GYPE: variants seen among roughly 807,000 people sequenced by gnomAD.
The protein encoded by GYPE is glycophorin E (MNS blood group), also known as glycophorin-E.
Under a neutral mutation model 11.6 loss-of-function variants are expected in GYPE, and 8 were observed. The ratio of observed to expected loss-of-function variants is 0.69; its 90% CI spans 0.41 to 1.25. GYPE has a LOEUF of 1.25. GYPE is among the 50% of genes most tolerant of loss of function. The pLI is 0.01. For synonymous variants in GYPE, 28 were observed against 29.6 expected, an observed-to-expected ratio of 0.94 and a Z score of 0.18; for missense variants, 90 against 92.8, an observed-to-expected ratio of 0.97 and a Z score of 0.12.
intron 1 of GYPE, among the ~76,000 whole-genome samples, chr4:143,892,882 A>G (rs375342067): frequency 4.2e-4 from 60 of 141,690 alleles, no homozygotes; most frequent in East Asian, 2.5e-3. Context: ...TTTCTGTCTC[A>G]TTGATCTGTC....
intron 3 of GYPE, among the ~76,000 whole-genome samples, chr4:143,874,282 C>T (rs988682192): frequency 6.6e-6 from 1 of 152,078 alleles, no homozygotes; most frequent in Non-Finnish European, 1.5e-5. Context: ...CATATCCTGG[C>T]ATCTCCCCCA....
intron 1 of GYPE, among the ~76,000 whole-genome samples, chr4:143,891,438 C>T (rs1315971290): frequency 6.6e-6 from 1 of 150,504 alleles, no homozygotes; most frequent in African/African-American, 2.4e-5. Flanking sequence ...ACTCCATTCT[C>T]CTGCCTCAGC....
At chr4:143,892,349 T>G (rs1744442030) in intron 1 of GYPE, among the ~76,000 whole-genome samples, 1 of 151,230 alleles carries the variant, frequency 6.6e-6, no homozygotes, top group African/African-American at 2.4e-5. Context: ...TGCCTTCTGC[T>G]AGCTTTTGAA....
intron 1 of GYPE, among the ~76,000 whole-genome samples, chr4:143,892,750 T>C (rs1397184911): frequency 6.7e-6 from 1 of 148,296 alleles, no homozygotes; most frequent in Non-Finnish European, 1.5e-5. Flanking sequence ...AGTTTTGGAA[T>C]AGGTGTGGTG....
chr4:143,897,117 C>G (rs142218707), intron 1 of GYPE, among the ~76,000 whole-genome samples: 4 of 151,826 alleles, frequency 2.6e-5, no homozygotes, highest in Non-Finnish European at 5.9e-5. Context: ...TGTAACTAAC[C>G]GGCACATTGT....
At chr4:143,897,751 C>T (rs1000349496) in intron 1 of GYPE, among the ~76,000 whole-genome samples, 2 of 152,038 alleles carry the variant, frequency 1.3e-5, no homozygotes, top group Non-Finnish European at 2.9e-5. Flanking sequence ...ACCAGTGGCT[C>T]ATGCACACCT....
At chr4:143,883,221 C>G (rs1264428873) in intron 1 of GYPE, among the ~76,000 whole-genome samples, 2 of 152,046 alleles carry the variant, frequency 1.3e-5, no homozygotes, top group Non-Finnish European at 2.9e-5. Context: ...TCTCCCGACT[C>G]TCTCTCTTGC....
chr4:143,876,863 A>C lies in GYPE; in HGVS notation c.137-8T>G. 2.6e-6 allele frequency: 4 copies of C among 1,540,180 alleles called. No individual in the cohort carries two copies. Among genetic ancestry groups the C allele is most frequent in the Non-Finnish European group, 3.6e-6 (4 of 1,113,710 alleles). ...AATTAATGAGTGTTATCCCTACAGG[A>C]GATAAAGAGAGCGGCAAAATTATGA... On this transcript the variant is annotated splice_polypyrimidine_tract_variant and splice_region_variant and intron_variant, in intron 2 of 3. Coordinates refer to ENST00000358615, the MANE Select transcript of GYPE (RefSeq NM_198682.3).
chr4:143,892,878 T>A (rs956160576), intron 1 of GYPE, among the ~76,000 whole-genome samples: 1 of 150,772 alleles, frequency 6.6e-6, no homozygotes, highest in African/African-American at 2.4e-5. Flanking sequence ...TAACTTTCTG[T>A]CTCATTGATC....
In GYPE at chr4:143,871,077, AG is replaced by A. The variant is rs35999957; in HGVS notation, c.*1184del. The A allele has an allele frequency of 2.0e-5, 3 of 148,950 alleles. No homozygotes were observed. In the South Asian group the frequency reaches 6.2e-4, roughly 31 times the overall value. 9.2% of individuals were successfully genotyped at this position (148,950 alleles called of 1,614,324 possible). On this transcript the variant is annotated 3_prime_UTR_variant, in exon 4 of 4. Transcript: ENST00000358615. ...TTACTCACTATCATGAGAATAGCAC[AG>A]GGGAAACCACCGCAATGATTCAAGT...
Position 143,898,463 on chromosome 4 carries a change from C to G in GYPE, c.37+7008G>C, listed in dbSNP as rs1280707297. Among the ~76,000 whole-genome samples, 6 of 152,132 alleles carry G rather than the reference C, an allele frequency of 3.9e-5. No homozygotes were observed. In the East Asian group the frequency reaches 1.2e-3, roughly 29 times the overall value. On this transcript the variant is annotated intron_variant, in intron 1 of 3. Transcript: ENST00000358615. ...AGTAGAATTAAGAGCAAAGACATTA[C>G]AAACAGTGAAAAAGATTTACTTGTG...
At chr4:143,875,532 T>A in intron 3 of GYPE, 3 of 1,550,906 alleles carry the variant, frequency 1.9e-6, no homozygotes, top group Non-Finnish European at 2.6e-6. Flanking sequence ...GACAGAAGTT[T>A]CCACTTCAGC....
rs1461082821 is a variant in GYPE, at chr4:143,871,979, C to T, written c.*283G>A. The stretch of plus-strand genomic sequence containing the variant: ...GTCCCCTAGGCAAGGGGACACCAAA[C>T]ACAATGAGGCATGGGATAAGGATTT... On this transcript the variant is annotated 3_prime_UTR_variant, in exon 4 of 4. Transcript: ENST00000358615. 1.3e-5 allele frequency: 2 copies of T among 152,100 alleles called. No homozygotes were observed. The highest frequency in any genetic ancestry group is 6.6e-5 in the Admixed American group (1 of 15,264). 9.4% of individuals were successfully genotyped at this position (152,100 alleles called of 1,614,324 possible). A position where few individuals can be genotyped will look rare whatever the true frequency, so the allele number is the denominator to read the frequency against.
chr4:143,904,038 A>G (rs1473129280), intron 1 of GYPE, among the ~76,000 whole-genome samples: 1 of 152,070 alleles, frequency 6.6e-6, no homozygotes, highest in African/African-American at 2.4e-5. Context: ...ATTACACTAC[A>G]TCCCTTTCAT....
intron 1 of GYPE, among the ~76,000 whole-genome samples, chr4:143,891,386 T>A (rs1264541944): frequency 6.7e-6 from 1 of 148,572 alleles, no homozygotes; most frequent in African/African-American, 2.5e-5. Context: ...TGGAGTGCAG[T>A]GGCCTGATCT....
chr4:143,889,813 A>T (rs1217455348), intron 1 of GYPE, among the ~76,000 whole-genome samples: 2 of 152,096 alleles, frequency 1.3e-5, no homozygotes, highest in Non-Finnish European at 2.9e-5. Flanking sequence ...ACTAGCTGAG[A>T]CCCTATTGTT....
chr4:143,871,440 C>T lies in GYPE; in HGVS notation c.*822G>A, dbSNP rs1743616709. ...TACCACCTCACTCTAAAGAGAATTA[C>T]TGAGTTTGTGTTCACTGCTGGGGCC... On this transcript the variant is annotated 3_prime_UTR_variant, in exon 4 of 4. Transcript: ENST00000358615. The T allele has an allele frequency of 6.6e-6, 1 of 152,190 alleles. No individual in the cohort carries two copies. 9.4% of individuals were successfully genotyped at this position (152,190 alleles called of 1,614,324 possible). A position where few individuals can be genotyped will look rare whatever the true frequency, so the allele number is the denominator to read the frequency against.
intron 1 of GYPE, among the ~76,000 whole-genome samples, chr4:143,892,225 G>A (rs567016257): frequency 7.9e-5 from 12 of 151,974 alleles, no homozygotes; most frequent in Admixed American, 2.6e-4. Flanking sequence ...TCTTGCTAGC[G>A]GTCTATCAAT....
intron 1 of GYPE, among the ~76,000 whole-genome samples, chr4:143,882,430 G>A (rs927592211): frequency 4.4e-4 from 67 of 152,076 alleles, no homozygotes; most frequent in African/African-American, 1.4e-3. Context: ...TATGAGCTTC[G>A]GCTTATTTGT....
Sources: gnomAD v4.1 joint callset for allele counts (sites outside exome capture counted in the v4.1 genomes callset) on GRCh38, gnomAD v4.1.1 for gene constraint, MANE v1.5 for transcripts, NCBI Gene and HGNC (gene_info 2026-07-23, HGNC 2026-07-21) for gene names.